The following PLEKHG4B variants were observed in gnomAD, a reference collection of about 807,000 sequenced individuals.
PLEKHG4B encodes the protein pleckstrin homology and RhoGEF domain containing G4B.
In PLEKHG4B, 111 loss-of-function variants were observed where a neutral mutation model predicts 121.3. That is an observed-to-expected ratio of 0.92 (90% confidence interval 0.78 to 1.07). The LOEUF is 1.07. Among genes scored for constraint, PLEKHG4B ranks in the 50% least tolerant of loss-of-function variants. The pLI is 0.00. For missense variants in PLEKHG4B, 1,831 were observed against 1,757.8 expected (o/e 1.04, Z -0.74); for synonymous variants, 738 against 725.0 (o/e 1.02, Z -0.29).
chr5:116,565 C>T (rs1440143478), intron 2 of PLEKHG4B, among the ~76,000 whole-genome samples: 3 of 152,192 alleles, frequency 2.0e-5, no homozygotes. Flanking sequence ...TAGTCTGTTT[C>T]TTGGGATATT....
In PLEKHG4B at chr5:151,512, GAAC is replaced by G. The variant is rs1329205867; in HGVS notation, c.1910_1912del (p.Asn637del). ...TAATATTTATTTCTTATTTATTTCA[GAAC>G]AACACATCTCCTATAATTCATAGTA... is the stretch of plus-strand genomic sequence containing the variant. On this transcript the variant is annotated inframe_deletion and splice_region_variant, in exon 7 of 20. Coordinates refer to ENST00000637938, the MANE Select transcript of PLEKHG4B (RefSeq NM_052909.5). 3 of 1,540,868 alleles carry G rather than the reference GAAC, an allele frequency of 1.9e-6. No homozygotes were observed. The highest frequency in any genetic ancestry group is 1.8e-5 in the Admixed American group (1 of 55,382).
intron 13 of PLEKHG4B, among the ~76,000 whole-genome samples, chr5:165,236 ACACTAATGCTCTGACGGGGCGGGGCT>A: frequency 7.9e-5 from 3 of 37,774 alleles, no homozygotes; most frequent in Non-Finnish European, 1.9e-4. Context: ...GGCGGAGCTC[ACACTAATGCTCTGACGGGGCGGGGCT>A]CACTAATGCT....
chr5:177,015 T>C (rs984835047), intron 18 of PLEKHG4B, among the ~76,000 whole-genome samples: 1 of 152,228 alleles, frequency 6.6e-6, no homozygotes, highest in African/African-American at 2.4e-5. Context: ...ACTTAAGGCC[T>C]CTTGACTTCT....
In PLEKHG4B at chr5:101,483, A is replaced by T. The variant is rs376512981; in HGVS notation, c.45+9207A>T. Among the ~76,000 whole-genome samples the T allele has an allele frequency of 4.7e-3, 464 of 97,836 alleles. 3 individuals are homozygous for T. Among genetic ancestry groups the T allele is most frequent in the African/African-American group, 5.4e-3 (86 of 15,800 alleles). The allele number at this position is 97,836 out of a possible 152,430, so 64.2% of individuals were successfully genotyped here. A position where few individuals can be genotyped will look rare whatever the true frequency, so the allele number is the denominator to read the frequency against. ...TGTAGGGGAGAGACTGTTGTGAGGT[A>T]AATCCATATAAAGCCCTGGGAAAAG... On this transcript the variant is annotated intron_variant, in intron 1 of 19. Transcript: ENST00000637938.
chr5:127,861 T>G (rs1560911899), intron 2 of PLEKHG4B, among the ~76,000 whole-genome samples: 1 of 152,196 alleles, frequency 6.6e-6, no homozygotes, highest in Non-Finnish European at 1.5e-5. Flanking sequence ...CTTGGTTTTA[T>G]ACATTTTAGG....
In PLEKHG4B at chr5:102,080, C is replaced by T. The variant is rs1290931287; in HGVS notation, c.45+9804C>T. On this transcript the variant is annotated intron_variant, in intron 1 of 19. Coordinates refer to ENST00000637938, the MANE Select transcript of PLEKHG4B (RefSeq NM_052909.5). ...TGTTGTGAGGTAAATCCATATAAAG[C>T]CCTGGAAAAAGTCTATAGGGGAGAG... 3.3e-4 allele frequency among the ~76,000 whole-genome samples: 41 copies of T among 122,718 alleles called. 3 individuals are homozygous for T. Among genetic ancestry groups the T allele is most frequent in the African/African-American group, 1.1e-3 (31 of 27,494 alleles). 80.5% of individuals were successfully genotyped at this position (122,718 alleles called of 152,430 possible). A position where few individuals can be genotyped will look rare whatever the true frequency, so the allele number is the denominator to read the frequency against.
At chr5:96,323 G>A (rs1733625450) in intron 1 of PLEKHG4B, among the ~76,000 whole-genome samples, 1 of 152,012 alleles carries the variant, frequency 6.6e-6, no homozygotes. Flanking sequence ...TGAGAGAGAT[G>A]GAGATTTTTC....
Position 173,042 on chromosome 5 carries a change from T to C in PLEKHG4B, c.4196T>C (p.Val1399Ala). 1 of 1,614,082 alleles carries C rather than the reference T, an allele frequency of 6.2e-7. No homozygotes were observed. The highest frequency in any genetic ancestry group is 8.5e-7 in the Non-Finnish European group (1 of 1,180,022). ...CAGAAGGTGGAGGGCAGCCACGACGTCTACCTGTACAAGCAGTCCTTCAAG... is the reference window on the plus strand; with the variant it reads ...CAGAAGGTGGAGGGCAGCCACGACGCCTACCTGTACAAGCAGTCCTTCAAG... ...KTQKVEGSHD[V>A]YLYKQSFKTA... The change falls in exon 17 of 20, where the codon GTC becomes GCC. Residue 1399 changes from valine to alanine, a missense_variant. Physicochemically the swap from Val to Ala is moderately conservative, Grantham distance 64. Coordinates refer to ENST00000637938, the MANE Select transcript of PLEKHG4B (RefSeq NM_052909.5).
At chr5:101,688 G>A (rs1461713371) in intron 1 of PLEKHG4B, among the ~76,000 whole-genome samples, 2 of 136,756 alleles carry the variant, frequency 1.5e-5, no homozygotes, top group South Asian at 4.6e-4. Flanking sequence ...AGAGACTGTT[G>A]TGAGGTAAAT....
rs764199038 is a variant in PLEKHG4B at position 181,563 on chromosome 5, C to G, written c.4452C>G (p.Phe1484Leu). 6.2e-7 allele frequency: 1 copy of G among 1,614,076 alleles called. No homozygotes were observed. Among genetic ancestry groups the G allele is most frequent in the South Asian group, 1.1e-5 (1 of 91,088 alleles). Residue 1484 changes from phenylalanine (F) to leucine (L), a missense_variant, in exon 19 of 20, where the codon TTC becomes TTG. Physicochemically the swap from Phe to Leu is conservative, Grantham distance 22 (BLOSUM62 0). Coordinates refer to ENST00000637938, the MANE Select transcript of PLEKHG4B (RefSeq NM_052909.5). The part of the protein sequence containing the change: ...MASMGIGNQP[F>L]MDVKPRDRTP... The stretch of plus-strand genomic sequence containing the variant: ...CCATGGGTATAGGCAACCAGCCATT[C>G]ATGGATGTCAAGCCCAGAGACCGGA...
At chr5:138,560 C>T (rs763692161) in intron 2 of PLEKHG4B, among the ~76,000 whole-genome samples, 8 of 152,226 alleles carry the variant, frequency 5.3e-5, no homozygotes, top group Non-Finnish European at 7.3e-5. Context: ...TATTGCCATT[C>T]TGGAAAGCTG....
intron 7 of PLEKHG4B, among the ~76,000 whole-genome samples, chr5:152,459 C>T (rs1239514411): frequency 1.3e-5 from 2 of 152,110 alleles, no homozygotes; most frequent in Admixed American, 1.3e-4. Context: ...AGTCCTCCCA[C>T]CTTGGCCTCC....
intron 13 of PLEKHG4B, among the ~76,000 whole-genome samples, chr5:165,705 AGCTCACACTAATGCTCTGACGGGGCGGG>A (rs1736302380): frequency 9.8e-5 from 2 of 20,466 alleles, no homozygotes; most frequent in South Asian, 3.0e-3. Flanking sequence ...GACGGGGCGG[AGCTCACACTAATGCTCTGACGGGGCGGG>A]GCTCACACTA....
chr5:129,047 C>T (rs1001553897), intron 2 of PLEKHG4B, among the ~76,000 whole-genome samples: 4 of 152,142 alleles, frequency 2.6e-5, no homozygotes, highest in Non-Finnish European at 5.9e-5. Flanking sequence ...GACAACAGGC[C>T]CTGAGGAAAT....
At chr5:144,714 A>G (rs951185666) in intron 5 of PLEKHG4B, 113 bp from the exon 6 acceptor site, 2 of 879,952 alleles carry the variant, frequency 2.3e-6, no homozygotes, top group Non-Finnish European at 3.6e-6. Flanking sequence ...GAGAACCCCT[A>G]ACTTCTAGAG....
At chr5:154,255 C>T (rs778531744) in intron 7 of PLEKHG4B, among the ~76,000 whole-genome samples, 2 of 151,896 alleles carry the variant, frequency 1.3e-5, no homozygotes, top group Non-Finnish European at 2.9e-5. Flanking sequence ...CCGCCTGCCT[C>T]GGCCTCCCAA....
At chr5:98,712 A>T (rs1733702689) in intron 1 of PLEKHG4B, among the ~76,000 whole-genome samples, 1 of 145,104 alleles carries the variant, frequency 6.9e-6, no homozygotes, top group Non-Finnish European at 1.5e-5. Flanking sequence ...GACCCTCATG[A>T]TCCACCCGCC....
At chr5:163,667 T>G in intron 13 of PLEKHG4B, 119 bp downstream of exon 13, 1 of 828,910 alleles carries the variant, frequency 1.2e-6, no homozygotes, top group Non-Finnish European at 1.8e-6. Flanking sequence ...GACATCCCTC[T>G]GGGTCCACCT....
intron 1 of PLEKHG4B, among the ~76,000 whole-genome samples, chr5:103,449 C>T (rs921581449): frequency 6.6e-6 from 1 of 152,104 alleles, no homozygotes; most frequent in South Asian, 2.1e-4. Flanking sequence ...CCGCACGCAG[C>T]GGTTTCCCCA....
Sources: allele counts gnomAD v4.1 joint callset (sites outside exome capture counted in the v4.1 genomes callset), GRCh38; gene constraint gnomAD v4.1.1; transcripts MANE v1.5; gene names NCBI Gene and HGNC (gene_info 2026-07-23, HGNC 2026-07-21).